Variants in JAKMIP2 observed in about 807,000 individuals in gnomAD.
The protein encoded by JAKMIP2 is janus kinase and microtubule-interacting protein 2.
JAKMIP2 carries 25 observed loss-of-function variants against 115.0 expected under a neutral mutation model. The ratio of observed to expected loss-of-function variants is 0.22; its 90% CI spans 0.16 to 0.30. The LOEUF (loss-of-function observed/expected upper bound fraction) is 0.30, where lower values mean the gene tolerates loss of function less well. Ranked by LOEUF, JAKMIP2 falls within the 10% of genes least tolerant of loss-of-function variation. The pLI is 1.00. For synonymous variants in JAKMIP2, 334 were observed against 343.6 expected, an observed-to-expected ratio of 0.97 and a Z score of 0.31; for missense variants, 642 against 957.6, an observed-to-expected ratio of 0.67 and a Z score of 4.35.
At chr5:147,702,664 G>GAAAGAAAGAAAGAA (rs751253168) in intron 1 of JAKMIP2, among the ~76,000 whole-genome samples, 3 of 101,092 alleles carry the variant, frequency 3.0e-5, no homozygotes, top group African/African-American at 1.0e-4. Context: ...AAGAAAGAAA[G>GAAAGAAAGAAAGAA]AGAGAGAAAG....
At chr5:147,675,844 G>A (rs1361395192) in intron 1 of JAKMIP2, among the ~76,000 whole-genome samples, 3 of 145,476 alleles carry the variant, frequency 2.1e-5, no homozygotes, top group African/African-American at 7.7e-5. Context: ...TGTTTTCCAG[G>A]TTCATCCATG....
chr5:147,607,137 C>T (rs918609211), intron 20 of JAKMIP2, among the ~76,000 whole-genome samples: 4 of 152,180 alleles, frequency 2.6e-5, no homozygotes, highest in Non-Finnish European at 5.9e-5. Flanking sequence ...AATTTGACTT[C>T]CTCTCTTCCT....
chr5:147,742,155 A>ATATAT, intron 1 of JAKMIP2, among the ~76,000 whole-genome samples: 1 of 108,884 alleles, frequency 9.2e-6, no homozygotes, highest in African/African-American at 3.8e-5. Context: ...ATATATATAT[A>ATATAT]TTTTTTTTAC....
chr5:147,698,603 TAGTG>T (rs1196243722), intron 1 of JAKMIP2, among the ~76,000 whole-genome samples: 1 of 152,186 alleles, frequency 6.6e-6, no homozygotes, highest in African/African-American at 2.4e-5. Flanking sequence ...GTTCTCATGA[TAGTG>T]AGTGAGTTCT....
intron 19 of JAKMIP2, among the ~76,000 whole-genome samples, chr5:147,616,801 C>G (rs1160850950): frequency 3.9e-5 from 6 of 152,132 alleles, no homozygotes; most frequent in Non-Finnish European, 8.8e-5. Flanking sequence ...TCAGAATTCT[C>G]CACCTACTTG....
At chr5:147,617,160 G>A (rs895858445) in intron 19 of JAKMIP2, among the ~76,000 whole-genome samples, 1 of 152,156 alleles carries the variant, frequency 6.6e-6, no homozygotes, top group African/African-American at 2.4e-5. Context: ...AATTAGTAGT[G>A]GGTGCCTATT....
intron 1 of JAKMIP2, among the ~76,000 whole-genome samples, chr5:147,718,841 A>G (rs1223516077): frequency 2.0e-5 from 3 of 149,744 alleles, no homozygotes; most frequent in African/African-American, 7.4e-5. Context: ...TTGTGTCTCT[A>G]TTTCCTTCAG....
At chr5:147,627,445 A>G (rs1364361630) in intron 16 of JAKMIP2, among the ~76,000 whole-genome samples, 2 of 152,088 alleles carry the variant, frequency 1.3e-5, no homozygotes, top group Non-Finnish European at 2.9e-5. Flanking sequence ...AGGAGACACT[A>G]GAGAAATAGG....
intron 1 of JAKMIP2, among the ~76,000 whole-genome samples, chr5:147,686,867 C>T (rs910641309): frequency 2.6e-5 from 4 of 152,124 alleles, no homozygotes; most frequent in Non-Finnish European, 5.9e-5. Flanking sequence ...TATTACCTGG[C>T]ACATGAAACT....
chr5:147,715,155 C>T (rs541134644), intron 1 of JAKMIP2, among the ~76,000 whole-genome samples: 59 of 151,906 alleles, frequency 3.9e-4, no homozygotes, highest in Admixed American at 1.2e-3. Context: ...AAAGATTAGT[C>T]TATAACTTCT....
At position 147,661,374 on chromosome 5, in the gene JAKMIP2, C is replaced by A. The variant is rs757836208; in HGVS notation, c.201G>T (p.Thr67=). ...TGGCTTTGAGTTCTGTCACCAGCAC[C>A]GTGTGCTTGCGCTGCTCCAGCTCAC... ...RIRELEQRKH[T]VLVTELKAKL... Residue 67 remains threonine, a synonymous_variant, in exon 3 of 22, where the codon ACG becomes ACT. Transcript: ENST00000616793. 6.2e-7 allele frequency: 1 copy of A among 1,614,004 alleles called. No individual in the cohort carries two copies.
intron 1 of JAKMIP2, among the ~76,000 whole-genome samples, chr5:147,756,844 G>C (rs1198635514): frequency 1.3e-5 from 2 of 152,108 alleles, no homozygotes; most frequent in African/African-American, 2.4e-5. Context: ...GTGCAGAGTA[G>C]GGAGGTAAAG....
At chr5:147,640,627 G>C in intron 9 of JAKMIP2, 77 bp downstream of exon 9, 1 of 1,490,806 alleles carries the variant, frequency 6.7e-7, no homozygotes, top group Non-Finnish European at 9.2e-7. Context: ...GATGAAAAGT[G>C]AAATCCTTTT....
At chr5:147,752,678 C>T (rs186406492) in intron 1 of JAKMIP2, among the ~76,000 whole-genome samples, 3 of 152,206 alleles carry the variant, frequency 2.0e-5, no homozygotes. Context: ...GTGATGATGG[C>T]TTGGCCCATG....
chr5:147,637,435 TGA>T (rs1488258545), intron 10 of JAKMIP2, among the ~76,000 whole-genome samples: 8 of 113,604 alleles, frequency 7.0e-5, no homozygotes, highest in African/African-American at 1.7e-4. Context: ...CAAATTCTTT[TGA>T]TTTTTTTTTT....
chr5:147,728,092 G>T (rs796693935), intron 1 of JAKMIP2, among the ~76,000 whole-genome samples: 1 of 152,068 alleles, frequency 6.6e-6, no homozygotes, highest in African/African-American at 2.4e-5. Context: ...GACTTTTTAG[G>T]GGTATCAGAA....
At chr5:147,777,009 G>C (rs1755583809) in intron 1 of JAKMIP2, among the ~76,000 whole-genome samples, 1 of 152,106 alleles carries the variant, frequency 6.6e-6, no homozygotes. Flanking sequence ...AAACTAACAT[G>C]AATCTGAAAC....
At chr5:147,645,121 A>T (rs1426411471) in intron 5 of JAKMIP2, 125 bp from the exon 6 acceptor site, 1 of 763,392 alleles carries the variant, frequency 1.3e-6, no homozygotes, top group African/African-American at 1.8e-5. Flanking sequence ...GTGGCTGAGG[A>T]CTGACCACTG....
intron 1 of JAKMIP2, among the ~76,000 whole-genome samples, chr5:147,702,427 A>AAGGAAGGAAGGT (rs1284804267): frequency 7.5e-6 from 1 of 133,690 alleles, no homozygotes; most frequent in Non-Finnish European, 1.6e-5. Context: ...AAGAAAGAGG[A>AAGGAAGGAAGGT]AGGAAGGAAG....
Sources: allele counts gnomAD v4.1 joint callset (sites outside exome capture counted in the v4.1 genomes callset), GRCh38; gene constraint gnomAD v4.1.1; transcripts MANE v1.5; gene names NCBI Gene and HGNC (gene_info 2026-07-23, HGNC 2026-07-21).